Variants in CNTN5 observed in about 807,000 individuals in gnomAD.
CNTN5 encodes contactin 5, also known as contactin-5.
Under a neutral mutation model 129.1 loss-of-function variants are expected in CNTN5, and 77 were observed. The ratio of observed to expected loss-of-function variants is 0.60; its 90% CI spans 0.50 to 0.72. The LOEUF is 0.72. CNTN5 is among the 30% of genes least tolerant of loss of function. The pLI, the probability that CNTN5 is intolerant of heterozygous loss-of-function variation, is 0.00. For missense variants in CNTN5, 1,478 were observed against 1,328.8 expected, an observed-to-expected ratio of 1.11 and a Z score of -1.75; for synonymous variants, 509 against 465.6, an observed-to-expected ratio of 1.09 and a Z score of -1.20.
At chr11:99,314,736 G>C (rs1263443270) in intron 1 of CNTN5, among the ~76,000 whole-genome samples, 2 of 128,588 alleles carry the variant, frequency 1.6e-5, no homozygotes, top group Admixed American at 7.4e-5. Flanking sequence ...ATAAGGAAAG[G>C]AAGAGAGGGG....
intron 1 of CNTN5, among the ~76,000 whole-genome samples, chr11:99,256,872 C>A (rs1216488399): frequency 6.6e-6 from 1 of 152,016 alleles, no homozygotes; most frequent in Non-Finnish European, 1.5e-5. Context: ...AACTCTCCTT[C>A]AAAATGTTTA....
intron 1 of CNTN5, among the ~76,000 whole-genome samples, chr11:99,069,109 T>C (rs765951974): frequency 6.6e-5 from 10 of 152,200 alleles, no homozygotes; most frequent in Non-Finnish European, 1.3e-4. Flanking sequence ...TTTGAAAATA[T>C]CAGTGTGGAA....
At chr11:99,288,467 CA>C (rs892260207) in intron 1 of CNTN5, among the ~76,000 whole-genome samples, 4 of 151,920 alleles carry the variant, frequency 2.6e-5, no homozygotes, top group African/African-American at 9.7e-5. Flanking sequence ...ATGCTCTCAT[CA>C]CAGTATTTGA....
At chr11:99,606,607 C>A (rs893316953) in intron 3 of CNTN5, among the ~76,000 whole-genome samples, 1 of 136,210 alleles carries the variant, frequency 7.3e-6, no homozygotes, top group African/African-American at 2.8e-5. Context: ...CTTTAAAGTT[C>A]ATATGGAACC....
chr11:99,338,739 A>G (rs1275862247), intron 2 of CNTN5, among the ~76,000 whole-genome samples: 2 of 151,598 alleles, frequency 1.3e-5, no homozygotes, highest in Admixed American at 6.6e-5. Context: ...TATTTTCTCT[A>G]TTTGTATATG....
intron 1 of CNTN5, among the ~76,000 whole-genome samples, chr11:99,311,886 A>G (rs1456617427): frequency 1.3e-5 from 2 of 152,152 alleles, no homozygotes; most frequent in Non-Finnish European, 2.9e-5. Flanking sequence ...TCTTTCCCTA[A>G]AAATTACTTT....
chr11:100,016,904 C>G (rs1179922107), intron 9 of CNTN5, among the ~76,000 whole-genome samples: 2 of 151,500 alleles, frequency 1.3e-5, no homozygotes, highest in East Asian at 3.9e-4. Context: ...TGGTGCAGAA[C>G]AGGTTCCATG....
intron 2 of CNTN5, among the ~76,000 whole-genome samples, chr11:99,478,325 G>T (rs1030515019): frequency 2.0e-5 from 3 of 152,060 alleles, no homozygotes; most frequent in Admixed American, 6.6e-5. Context: ...CTGGACTGAG[G>T]GTCTTTGGCT....
intron 1 of CNTN5, among the ~76,000 whole-genome samples, chr11:99,256,045 A>G (rs1862362843): frequency 6.6e-6 from 1 of 152,164 alleles, no homozygotes; most frequent in Admixed American, 6.6e-5. Flanking sequence ...TAAATGACAG[A>G]TAGTATTTTC....
chr11:99,502,390 G>C (rs546153574), intron 2 of CNTN5, among the ~76,000 whole-genome samples: 2 of 152,102 alleles, frequency 1.3e-5, no homozygotes, highest in South Asian at 2.1e-4. Context: ...AGGGAGGGAC[G>C]AGATGGAGGT....
At chr11:99,441,533 G>C (rs1017629922) in intron 2 of CNTN5, among the ~76,000 whole-genome samples, 1 of 152,222 alleles carries the variant, frequency 6.6e-6, no homozygotes, top group South Asian at 2.1e-4. Context: ...CCTCCAATGT[G>C]AAACTGCAAA....
chr11:100,148,091 C>G (rs556175679), intron 13 of CNTN5, among the ~76,000 whole-genome samples: 176 of 152,232 alleles, frequency 1.2e-3, no homozygotes, highest in African/African-American at 4.1e-3. Flanking sequence ...TTCACAGGCT[C>G]TAGCATTTCT....
chr11:99,993,546 G>A (rs1372860895), intron 8 of CNTN5, among the ~76,000 whole-genome samples: 1 of 152,104 alleles, frequency 6.6e-6, no homozygotes, highest in Non-Finnish European at 1.5e-5. Context: ...ATTCTCATAA[G>A]GATTATGCAG....
chr11:99,836,615 G>T (rs552253643), intron 4 of CNTN5, among the ~76,000 whole-genome samples: 3,276 of 152,188 alleles, frequency 0.022, 53 homozygotes, highest in Non-Finnish European at 0.035. Flanking sequence ...GTGTGCATGT[G>T]TCTTTATAGC....
intron 1 of CNTN5, among the ~76,000 whole-genome samples, chr11:99,317,838 A>G (rs1235434620): frequency 2.0e-5 from 3 of 152,022 alleles, no homozygotes; most frequent in African/African-American, 7.2e-5. Flanking sequence ...AAAAAAGAAA[A>G]CTTCTATAAA....
At chr11:99,076,229 G>T (rs1485287488) in intron 1 of CNTN5, among the ~76,000 whole-genome samples, 1 of 152,102 alleles carries the variant, frequency 6.6e-6, no homozygotes, top group Non-Finnish European at 1.5e-5. Context: ...CAGCTATTCA[G>T]GAGGCTGAGG....
At chr11:99,149,303 A>G (rs1353598063) in intron 1 of CNTN5, among the ~76,000 whole-genome samples, 4 of 152,148 alleles carry the variant, frequency 2.6e-5, no homozygotes, top group African/African-American at 9.7e-5. Flanking sequence ...ACTTCTGAAA[A>G]AAGAAGGAAA....
At chr11:99,671,571 G>T (rs769170018) in intron 3 of CNTN5, among the ~76,000 whole-genome samples, 1 of 151,992 alleles carries the variant, frequency 6.6e-6, no homozygotes, top group African/African-American at 2.4e-5. Flanking sequence ...TTAAAGTAAC[G>T]TCTAAACAAG....
intron 1 of CNTN5, among the ~76,000 whole-genome samples, chr11:99,266,778 G>A (rs762463083): frequency 4.8e-4 from 73 of 151,886 alleles, no homozygotes; most frequent in Non-Finnish European, 8.4e-4. Flanking sequence ...ATGGGGGGAG[G>A]TGCCCTGAAC....
Sources: allele counts gnomAD v4.1 joint callset (sites outside exome capture counted in the v4.1 genomes callset), GRCh38; gene constraint gnomAD v4.1.1; transcripts MANE v1.5; gene names NCBI Gene and HGNC (gene_info 2026-07-23, HGNC 2026-07-21).